CCDC57: variants seen among roughly 807,000 people sequenced by gnomAD.
The protein encoded by CCDC57 is coiled-coil domain containing 57.
A neutral mutation model predicts 118.9 loss-of-function variants in CCDC57; 118 were observed. The observed-to-expected ratio is 0.99, with a 90% CI of 0.86 to 1.16. CCDC57 has a LOEUF of 1.16. Ranked by LOEUF, CCDC57 falls within the 50% of genes most tolerant of loss-of-function variation. CCDC57 has a pLI of 0.00. For missense variants in CCDC57, 1,300 were observed against 1,320.7 expected, an observed-to-expected ratio of 0.98 and a Z score of 0.24; for synonymous variants, 527 against 532.9, an observed-to-expected ratio of 0.99 and a Z score of 0.15.
intron 19 of CCDC57, among the ~76,000 whole-genome samples, chr17:82,116,102 C>T (rs1402776305): frequency 7.8e-5 from 10 of 127,822 alleles, no homozygotes; most frequent in African/African-American, 2.7e-4. Context: ...CGGCCACAAC[C>T]TTTTTTTTTT....
At chr17:82,195,154 G>T in intron 5 of CCDC57, 109 bp downstream of exon 4, 1 of 801,558 alleles carries the variant, frequency 1.2e-6, no homozygotes, top group Non-Finnish European at 2.1e-6. Context: ...GGGCCCAAGG[G>T]ATCCTCTTGC....
In CCDC57 at chr17:82,118,017, A is replaced by T. The variant is rs1387906543; in HGVS notation, c.2899+9675T>A. On this transcript the variant is annotated intron_variant, in intron 19 of 19. Coordinates refer to ENST00000665763, the Ensembl canonical transcript of CCDC57. The surrounding 1 kb of genome is among the most constrained non-coding windows in gnomAD (Gnocchi z 4.7). ...CAAGTGTCCACAAACATCAGACACC[A>T]AAACAAAGGGAGGTGAGCCGATGCG... 7.9e-5 allele frequency among the ~76,000 whole-genome samples: 12 copies of T among 152,240 alleles called. No individual in the cohort carries two copies. Among genetic ancestry groups the T allele is most frequent in the Admixed American group, 7.8e-4 (12 of 15,288 alleles).
chr17:82,126,941 C>A (rs2037522147), intron 19 of CCDC57: 1 of 985,294 alleles, frequency 1.0e-6, no homozygotes, highest in Non-Finnish European at 1.2e-6. Context: ...AGGACGCACG[C>A]TCCCGCCCCA....
intron 19 of CCDC57, among the ~76,000 whole-genome samples, chr17:82,117,913 C>T (rs1332516797): frequency 6.6e-6 from 1 of 152,118 alleles, no homozygotes; most frequent in Non-Finnish European, 1.5e-5. Flanking sequence ...CCCTTCTGAT[C>T]TAACAGCAGC....
At chr17:82,107,519 G>A (rs566589536) in intron 19 of CCDC57, 162 of 470,942 alleles carry the variant, frequency 3.4e-4, no homozygotes, top group South Asian at 2.4e-3. Flanking sequence ...CCAGAAAGGA[G>A]GAAGAGGCCC....
rs1488135717 is a variant in CCDC57, at chr17:82,157,601, C to T, written c.2241+147G>A. On this transcript the variant is annotated intron_variant, in intron 15 of 19. Coordinates refer to ENST00000665763, the Ensembl canonical transcript of CCDC57. ...AATGGGGAGAGGGGGTGGAGCAGGG[C>T]CCACTTCCAGGCACGGCCTTCACTG... The T allele has an allele frequency of 3.5e-6, 5 of 1,441,226 alleles. No homozygotes were observed. The African/African-American group carries it at 4.3e-5, about 12-fold the overall frequency. The allele number at this position is 1,441,226 out of a possible 1,614,324, so 89.3% of individuals were successfully genotyped here.
chr17:82,151,056 C>T (rs2041937962), intron 16 of CCDC57, among the ~76,000 whole-genome samples: 1 of 114,358 alleles, frequency 8.7e-6, no homozygotes, highest in African/African-American at 3.3e-5. Flanking sequence ...GAACCTGACC[C>T]GCACCCAGAA....
rs2049296224 is a variant in CCDC57, at chr17:82,204,006, G to GT, written c.-8-2055dup. 2.6e-5 allele frequency among the ~76,000 whole-genome samples: 4 copies of GT among 152,280 alleles called. No individual in the cohort carries two copies. In the South Asian group the frequency reaches 8.3e-4, roughly 32 times the overall value. ...GTGACGAAGCACAAGGAGGAGGTGG[G>GT]TAAGGGGCTGCAAGACCCGTGGGCC... is the stretch of plus-strand genomic sequence containing the variant. On this transcript the variant is annotated intron_variant, in intron 2 of 19. Coordinates refer to ENST00000665763, the Ensembl canonical transcript of CCDC57.
intron 16 of CCDC57, chr17:82,145,756 G>A (rs541091778): frequency 2.0e-5 from 9 of 451,884 alleles, no homozygotes; most frequent in Non-Finnish European, 3.2e-5. Flanking sequence ...GCAGGCCCCT[G>A]AGTGGGGCTG....
At chr17:82,120,476 G>A (rs946880383) in intron 19 of CCDC57, among the ~76,000 whole-genome samples, 4 of 152,228 alleles carry the variant, frequency 2.6e-5, no homozygotes, top group Admixed American at 6.5e-5. Flanking sequence ...ACTGGAGGGC[G>A]CAGTGTCGCA....
chr17:82,103,972 G>C (rs1300899904), intron 19 of CCDC57, among the ~76,000 whole-genome samples: 1 of 152,170 alleles, frequency 6.6e-6, no homozygotes, highest in Non-Finnish European at 1.5e-5. Flanking sequence ...ATGGTGGCAG[G>C]GAACTGGCCA....
chr17:82,124,244 G>A (rs1179788930), intron 19 of CCDC57, among the ~76,000 whole-genome samples: 1 of 152,154 alleles, frequency 6.6e-6, no homozygotes, highest in East Asian at 1.9e-4. Flanking sequence ...GGCAGCAAGT[G>A]CTTCCCTGAC....
chr17:82,127,263 C>G, intron 19 of CCDC57: 1 of 985,282 alleles, frequency 1.0e-6, no homozygotes, highest in Non-Finnish European at 1.2e-6. Context: ...CCTGGCTCTT[C>G]CCCGGGAGCA....
chr17:82,125,935 G>A (rs895663595), intron 19 of CCDC57, among the ~76,000 whole-genome samples: 3 of 152,114 alleles, frequency 2.0e-5, no homozygotes, highest in African/African-American at 7.2e-5. Flanking sequence ...CGAATATGCG[G>A]GAAGTGTGAG....
chr17:82,195,265 TA>T lies in CCDC57; in HGVS notation c.615del (p.Lys206ArgfsTer12). The T allele has an allele frequency of 6.3e-7, 1 of 1,588,894 alleles. No individual in the cohort carries two copies. The highest frequency in any genetic ancestry group is 8.6e-7 in the Non-Finnish European group (1 of 1,167,742). ...GACCCAAGGGTGCCCCCAGTTACCT[TA>T]AGCTCCCGGGACAAGGCTGTGTTGC... On this transcript the variant is annotated frameshift_variant, in exon 5 of 20. Transcript: ENST00000665763. LOFTEE classifies it high-confidence loss of function.
chr17:82,209,851 A>C (rs907564465), intron 1 of CCDC57, among the ~76,000 whole-genome samples: 3 of 152,188 alleles, frequency 2.0e-5, no homozygotes, highest in Non-Finnish European at 4.4e-5. Context: ...AGTGTATAGA[A>C]ACACGTTTCC....
Position 82,101,670 on chromosome 17 carries a change from G to T in CCDC57, c.*12C>A, listed in dbSNP as rs370500944. ...CGAGCACCCCTTAGTGGGGCGGGGT[G>T]GGGGGAGGAAGTCAGTCCATAATGT... On this transcript the variant is annotated 3_prime_UTR_variant, in exon 20 of 20. Coordinates refer to ENST00000665763, the Ensembl canonical transcript of CCDC57. 7.2e-5 allele frequency: 115 copies of T among 1,588,068 alleles called. No individual in the cohort carries two copies. In the African/African-American group the frequency reaches 1.4e-3, roughly 19 times the overall value.
At chr17:82,152,012 C>T (rs1358110524) in intron 15 of CCDC57, 1 of 529,302 alleles carries the variant, frequency 1.9e-6, no homozygotes, top group African/African-American at 1.9e-5. Context: ...AGGGTGGCCC[C>T]CAGATCTCCC....
chr17:82,152,683 G>C (rs1203522413), intron 15 of CCDC57, among the ~76,000 whole-genome samples: 1 of 152,240 alleles, frequency 6.6e-6, no homozygotes, highest in Non-Finnish European at 1.5e-5. Context: ...CCTGGCCCCT[G>C]TAAGGAGCCA....
Sources: allele counts gnomAD v4.1 joint callset (sites outside exome capture counted in the v4.1 genomes callset), GRCh38; gene constraint gnomAD v4.1.1; non-coding constraint Gnocchi (gnomAD v3.1); transcripts MANE v1.5; gene names NCBI Gene and HGNC (gene_info 2026-07-23, HGNC 2026-07-21).